ZNF497: variants seen among roughly 807,000 people sequenced by gnomAD.
ZNF497 encodes zinc finger-like protein.
For missense variants in ZNF497, 930 were observed against 714.0 expected (o/e 1.30, Z -3.45); for synonymous variants, 422 against 313.7 (o/e 1.35, Z -3.65).
At chr19:58,358,408 C>T (rs907034374) in intron 2 of ZNF497, 81 bp downstream of exon 2, 2 of 1,158,910 alleles carry the variant, frequency 1.7e-6, no homozygotes, top group Admixed American at 3.0e-5. Flanking sequence ...CTCATTTGCC[C>T]TGAGCACCTT....
In ZNF497 at chr19:58,356,214, C is replaced by A; in HGVS notation, c.1422G>T (p.Glu474Asp). The change falls in exon 3 of 3, where the codon GAG (glutamate) becomes GAT (aspartate). Residue 474 changes from glutamate to aspartate, a missense_variant. Coordinates refer to ENST00000311044, the MANE Select transcript of ZNF497 (RefSeq NM_198458.3). ...AACGGTGGCTGAAAGGCTTCCCGCA[C>A]TCGCCGCAAGCGTAGGGCCTCTCGC... is the stretch of plus-strand genomic sequence containing the variant. ...HTGERPYACG[E>D]CGKPFSHRCN... is the part of the protein sequence containing the mutation. 6.2e-7 allele frequency: 1 copy of A among 1,602,088 alleles called. No homozygotes were observed.
intron 2 of ZNF497, 108 bp from the exon 3 acceptor site, chr19:58,357,757 C>A: frequency 8.0e-7 from 1 of 1,257,654 alleles, no homozygotes; most frequent in Non-Finnish European, 1.1e-6. Flanking sequence ...CACTCTTCTC[C>A]TCCAGGTCCC....
At position 58,356,439 on chromosome 19, in the gene ZNF497, G is replaced by A; in HGVS notation, c.1197C>T (p.Ser399=). 1.3e-6 allele frequency: 2 copies of A among 1,559,812 alleles called. No individual in the cohort carries two copies. The highest frequency in any genetic ancestry group is 1.7e-6 in the Non-Finnish European group (2 of 1,158,006). The part of the protein sequence containing the change: ...ADCGKAFRGS[S]GLAHHRLSHT... ...GCGAAAGCCGGTGGTGCGCCAGGCC[G>A]GAACTGCCGCGGAAGGCCTTGCCGC... is the stretch of plus-strand genomic sequence containing the variant. The change falls in exon 3 of 3, where the codon TCC becomes TCT. Residue 399 remains serine (S), a synonymous_variant. Coordinates refer to ENST00000311044, the MANE Select transcript of ZNF497 (RefSeq NM_198458.3).
chr19:58,355,987 G>C lies in ZNF497; in HGVS notation c.*152C>G. On this transcript the variant is annotated 3_prime_UTR_variant, in exon 3 of 3. Transcript: ENST00000311044. ...TATCGTCAAAGGGACTGTGCAGCCA[G>C]GGTTCTCCACACCCAAGGCCGCCCC... The C allele has an allele frequency of 1.2e-6, 1 of 843,690 alleles. No individual in the cohort carries two copies. The highest frequency in any genetic ancestry group is 1.8e-6 in the Non-Finnish European group (1 of 567,382). 52.3% of individuals were successfully genotyped at this position (843,690 alleles called of 1,614,324 possible). A position where few individuals can be genotyped will look rare whatever the true frequency, so the allele number is the denominator to read the frequency against.
rs776241085 is a variant in ZNF497, at chr19:58,357,199, C to G, written c.437G>C (p.Ser146Thr). ...GCGCTGGTGCTGGCTGAGGTTGGAG[C>G]TCCAGGCGAAGGCCTTGCCGCACTC... is the stretch of plus-strand genomic sequence containing the variant. ...CPECGKAFAWSSNLSQHQRIH... is the reference protein window; with the variant it reads ...CPECGKAFAWTSNLSQHQRIH... Residue 146 changes from serine to threonine, a missense_variant, in exon 3 of 3, where the codon AGC becomes ACC. Transcript: ENST00000311044. 28 of 1,610,898 alleles carry G rather than the reference C, an allele frequency of 1.7e-5. 1 individual carries two copies. The South Asian group carries it at 3.0e-4, about 17-fold the overall frequency.
Position 58,357,630 on chromosome 19 carries a change from C to T in ZNF497, c.6G>A (p.Glu2=). 1 of 1,522,870 alleles carries T rather than the reference C, an allele frequency of 6.6e-7. No homozygotes were observed. The highest frequency in any genetic ancestry group is 8.8e-7 in the Non-Finnish European group (1 of 1,137,978). 94.3% of individuals were successfully genotyped at this position (1,522,870 alleles called of 1,614,324 possible). A position where few individuals can be genotyped will look rare whatever the true frequency, so the allele number is the denominator to read the frequency against. ...CCTGCAGGGTCCACCCTCTTGGGGA[C>T]TCCATCTCGCGCCTGTGACCTAAAA... M[E]SPRGWTLQVA... The change falls in exon 3 of 3, where the codon GAG becomes GAA. Residue 2 remains glutamate, a synonymous_variant. Coordinates refer to ENST00000311044, the MANE Select transcript of ZNF497 (RefSeq NM_198458.3).
Position 58,356,850 on chromosome 19 carries a change from G to A in ZNF497, c.786C>T (p.Ala262=), listed in dbSNP as rs745415050. 6.3e-7 allele frequency: 1 copy of A among 1,576,100 alleles called. No individual in the cohort carries two copies. Among genetic ancestry groups the A allele is most frequent in the Admixed American group, 1.8e-5 (1 of 56,106 alleles). Residue 262 remains alanine (A), a synonymous_variant, in exon 3 of 3, where the codon GCC becomes GCT. Transcript: ENST00000311044. ...CGCCCGCGTGGATCTTCAGGTGCTC[G>A]GCCAGGTTGGAGCTCTGGCTGAAGG... ...GKAFSQSSNL[A]EHLKIHAGAR... is the part of the protein sequence containing the mutation.
chr19:58,361,769 TAAAA>T (rs1302621578), intron 1 of ZNF497, among the ~76,000 whole-genome samples: 2 of 152,150 alleles, frequency 1.3e-5, no homozygotes, highest in Non-Finnish European at 2.9e-5. Context: ...AGTTAAATTT[TAAAA>T]AAACGACATC....
In ZNF497 at chr19:58,356,397, G is replaced by A; in HGVS notation, c.1239C>T (p.Pro413=). 2.6e-6 allele frequency: 4 copies of A among 1,566,050 alleles called. No individual in the cohort carries two copies. Among genetic ancestry groups the A allele is most frequent in the East Asian group, 2.3e-5 (1 of 42,832 alleles). The part of the protein sequence containing the change: ...HHRLSHTGER[P]FACAECGKAF... ...CCTTGCCGCATTCTGCGCAGGCGAA[G>A]GGTCGCTCTCCCGTGTGCGAAAGCC... The change falls in exon 3 of 3, where the codon CCC becomes CCT. Residue 413 remains proline (P), a synonymous_variant. Coordinates refer to ENST00000311044, the MANE Select transcript of ZNF497 (RefSeq NM_198458.3).
intron 1 of ZNF497, among the ~76,000 whole-genome samples, chr19:58,362,289 G>A (rs2052102540): frequency 6.6e-6 from 1 of 152,244 alleles, no homozygotes. Flanking sequence ...TGGGAGGCGA[G>A]CCCAGCCTGG....
chr19:58,358,465 A>G, intron 2 of ZNF497, 24 bp downstream of exon 2: 1 of 1,125,954 alleles, frequency 8.9e-7, no homozygotes, highest in Non-Finnish European at 1.1e-6. Flanking sequence ...CAGGGCAGGG[A>G]CAAGTGTGTA....
chr19:58,354,962 TC>T lies in ZNF497; in HGVS notation c.*1176del, dbSNP rs1250391633. On this transcript the variant is annotated 3_prime_UTR_variant, in exon 3 of 3. Transcript: ENST00000311044. ...AGGTCTGCAGAGATGGAGCTGTCAT[TC>T]TGTGTTTCCTTTGGCAGTCCCAACA... The T allele has an allele frequency of 6.6e-6, 1 of 152,338 alleles. No homozygotes were observed. The highest frequency in any genetic ancestry group is 1.5e-5 in the Non-Finnish European group (1 of 68,108). The allele number at this position is 152,338 out of a possible 1,614,324, so 9.4% of individuals were successfully genotyped here.
At chr19:58,357,986 C>T (rs2052047927) in intron 2 of ZNF497, 1 of 1,268,668 alleles carries the variant, frequency 7.9e-7, no homozygotes, top group Non-Finnish European at 1.0e-6. Flanking sequence ...ACTCTCCTCT[C>T]CTTGCTTCAC....
intron 2 of ZNF497, chr19:58,357,957 C>G: frequency 7.6e-7 from 1 of 1,317,024 alleles, no homozygotes; most frequent in Non-Finnish European, 9.8e-7. Context: ...CGCACCTGCA[C>G]TGGCCCTACT....
At chr19:58,361,527 TTG>T (rs1468035843) in intron 1 of ZNF497, among the ~76,000 whole-genome samples, 1 of 152,020 alleles carries the variant, frequency 6.6e-6, no homozygotes, top group Non-Finnish European at 1.5e-5. Flanking sequence ...CGCCTAATTT[TTG>T]TGTTTTCAGT....
In ZNF497 at chr19:58,357,411, G is replaced by T. The variant is rs1016982954; in HGVS notation, c.225C>A (p.Gly75=). ...DEQGGPGREL[G]PADGGRDGAG... is the part of the protein sequence containing the mutation. The stretch of plus-strand genomic sequence containing the variant: ...CCCCGTCCCGCCCACCGTCTGCGGG[G>T]CCCAGCTCCCTGCCGGGGCCTCCCT... The change falls in exon 3 of 3, where the codon GGC becomes GGA. Residue 75 remains glycine, a synonymous_variant. Coordinates refer to ENST00000311044, the MANE Select transcript of ZNF497 (RefSeq NM_198458.3). The T allele has an allele frequency of 6.3e-7, 1 of 1,599,120 alleles. No individual in the cohort carries two copies. Among genetic ancestry groups the T allele is most frequent in the South Asian group, 1.1e-5 (1 of 89,774 alleles).
rs1238905181 is a variant in ZNF497, at chr19:58,357,306, C to T, written c.330G>A (p.Glu110=). The change falls in exon 3 of 3, where the codon GAG becomes GAA. Residue 110 remains glutamate (E), a synonymous_variant. Coordinates refer to ENST00000311044, the MANE Select transcript of ZNF497 (RefSeq NM_198458.3). ...AGCCCTGGCTGAACGCCTTGCCGCA[C>T]TCCCCGCACCGGCAGCCCGGCTCCT... is the stretch of plus-strand genomic sequence containing the variant. ...LPEEPGCRCG[E]CGKAFSQGSY... 3 of 1,609,184 alleles carry T rather than the reference C, an allele frequency of 1.9e-6. No homozygotes were observed. The highest frequency in any genetic ancestry group is 2.5e-6 in the Non-Finnish European group (3 of 1,178,176).
chr19:58,357,347 G>A lies in ZNF497; in HGVS notation c.289C>T (p.Pro97Ser), dbSNP rs201391723. 6.0e-5 allele frequency: 96 copies of A among 1,597,296 alleles called. 1 individual carries two copies. In the East Asian group the frequency reaches 9.5e-4, roughly 16 times the overall value. ...RSEPADRALR[P>S]SPLPEEPGCR... is the part of the protein sequence containing the mutation. Reference sequence around the variant, plus strand: ...CCCGGCTCCTCTGGGAGAGGCGAAGGGCGCAACGCCCGGTCTGCAGGCTCG... The same window carrying A: ...CCCGGCTCCTCTGGGAGAGGCGAAGAGCGCAACGCCCGGTCTGCAGGCTCG... The change falls in exon 3 of 3, where the codon CCT becomes TCT. Residue 97 changes from proline to serine, a missense_variant. Coordinates refer to ENST00000311044, the MANE Select transcript of ZNF497 (RefSeq NM_198458.3).
chr19:58,357,425 C>G lies in ZNF497; in HGVS notation c.211G>C (p.Gly71Arg). 1.2e-6 allele frequency: 2 copies of G among 1,600,094 alleles called. No individual in the cohort carries two copies. Among genetic ancestry groups the G allele is most frequent in the Non-Finnish European group, 8.5e-7 (1 of 1,173,672 alleles). The change falls in exon 3 of 3, where the codon GGC becomes CGC. Residue 71 changes from glycine (G) to arginine (R), a missense_variant. Physicochemically the swap from Gly to Arg is moderately radical, Grantham distance 125 (BLOSUM62 -2). Transcript: ENST00000311044. ...CCGTCTGCGGGGCCCAGCTCCCTGC[C>G]GGGGCCTCCCTGTTCGTCCGCCGCC... Reference protein sequence around the residue: ...LGAADEQGGPGRELGPADGGR... With the variant: ...LGAADEQGGPRRELGPADGGR...
Sources: allele counts gnomAD v4.1 joint callset (sites outside exome capture counted in the v4.1 genomes callset), GRCh38; gene constraint gnomAD v4.1.1; transcripts MANE v1.5; gene names NCBI Gene and HGNC (gene_info 2026-07-23, HGNC 2026-07-21).